Variants in RBFOX3 observed in about 807,000 individuals in gnomAD.
The protein encoded by RBFOX3 is RNA binding protein fox-1 homolog 3.
Under a neutral mutation model 48.7 loss-of-function variants are expected in RBFOX3, and 17 were observed. The observed-to-expected ratio is 0.35, with a 90% CI of 0.24 to 0.52. RBFOX3 has a LOEUF of 0.52. Ranked by LOEUF, RBFOX3 falls within the 20% of genes least tolerant of loss-of-function variation. The pLI, the probability that RBFOX3 is intolerant of heterozygous loss-of-function variation, is 0.94. For synonymous variants in RBFOX3, 212 were observed against 209.5 expected (o/e 1.01, Z -0.10); for missense variants, 382 against 497.5 (o/e 0.77, Z 2.21).
Position 79,610,979 on chromosome 17 carries a change from T to A in RBFOX3, c.-473A>T, listed in dbSNP as rs2093957601. Among the ~76,000 whole-genome samples, 1 of 150,724 alleles carries A rather than the reference T, an allele frequency of 6.6e-6. No individual in the cohort carries two copies. The highest frequency in any genetic ancestry group is 6.6e-5 in the Admixed American group (1 of 15,180). ...CGAGGCCGGGCTCGGGCGGCAGCTG[T>A]GGCAGCTGCTTCTCCTCCGACCACG... On this transcript the variant is annotated 5_prime_UTR_variant, in exon 1 of 15. Transcript: ENST00000693108.
intron 4 of RBFOX3, among the ~76,000 whole-genome samples, chr17:79,118,268 G>A (rs974017711): frequency 6.6e-6 from 1 of 152,154 alleles, no homozygotes; most frequent in Non-Finnish European, 1.5e-5. Context: ...CTCTGAAACT[G>A]GGGCGACATT....
chr17:79,638,990 A>G, the RBFOX3 span, among the ~76,000 whole-genome samples: 1 of 152,198 alleles, frequency 6.6e-6, no homozygotes, highest in South Asian at 2.1e-4. Context: ...ACAGAAAAAT[A>G]TCAAAGAAGG....
chr17:79,369,046 G>A (rs2058166262), intron 2 of RBFOX3, among the ~76,000 whole-genome samples: 3 of 152,124 alleles, frequency 2.0e-5, no homozygotes, highest in Admixed American at 2.0e-4. Context: ...GAGCGAGGAG[G>A]GGCTCCAACC....
chr17:79,292,333 T>C (rs117956134), intron 3 of RBFOX3, among the ~76,000 whole-genome samples: 336 of 152,060 alleles, frequency 2.2e-3, no homozygotes, highest in Non-Finnish European at 3.8e-3. Context: ...GCCTCCAGTA[T>C]AGAATTTATT....
At position 79,471,368 on chromosome 17, in the gene RBFOX3, A is replaced by G. The variant is rs963001604; in HGVS notation, c.-175+11086T>C. Among the ~76,000 whole-genome samples the G allele has an allele frequency of 1.8e-4, 28 of 152,324 alleles. No individual in the cohort carries two copies. Among genetic ancestry groups the G allele is most frequent in the Middle Eastern group, 3.4e-3 (1 of 294 alleles). ...GGCCGGGCAAAATACTAAATAATTC[A>G]AAAATCATGATGACCTTGCCTTGGG... is the stretch of plus-strand genomic sequence containing the variant. On this transcript the variant is annotated intron_variant, in intron 2 of 14. Transcript: ENST00000693108. The surrounding 1 kb of genome is among the most constrained non-coding windows in gnomAD (Gnocchi z 4.0).
Position 79,480,745 on chromosome 17 carries a change from A to G in RBFOX3, c.-175+1709T>C, listed in dbSNP as rs1340144398. 6.6e-6 allele frequency among the ~76,000 whole-genome samples: 1 copy of G among 152,102 alleles called. No homozygotes were observed. Among genetic ancestry groups the G allele is most frequent in the Non-Finnish European group, 1.5e-5 (1 of 68,028 alleles). ...CTCCCTTCCTTCTGTCTTGGCTCACAACATCAGCACCGGGGCCTGCCCTTC... is the reference window on the plus strand; with the variant it reads ...CTCCCTTCCTTCTGTCTTGGCTCACGACATCAGCACCGGGGCCTGCCCTTC... On this transcript the variant is annotated intron_variant, in intron 2 of 14. Coordinates refer to ENST00000693108, the MANE Select transcript of RBFOX3 (RefSeq NM_001350451.2). This position sits in a 1 kb window ranked among gnomAD's most constrained non-coding sequence, Gnocchi z 4.8.
chr17:79,321,255 G>A (rs9901962), intron 2 of RBFOX3, among the ~76,000 whole-genome samples: 6 of 152,062 alleles, frequency 3.9e-5, no homozygotes, highest in Non-Finnish European at 7.4e-5. Flanking sequence ...AGTGATGCTG[G>A]GGTCTCTACC....
At chr17:79,194,015 G>A (rs962710015) in intron 4 of RBFOX3, among the ~76,000 whole-genome samples, 50 of 152,280 alleles carry the variant, frequency 3.3e-4, no homozygotes, top group African/African-American at 1.1e-3. Flanking sequence ...GGTGCAGCTC[G>A]AGCCTGACAG....
intron 4 of RBFOX3, among the ~76,000 whole-genome samples, chr17:79,179,197 A>C (rs1183137729): frequency 2.0e-5 from 3 of 152,192 alleles, no homozygotes; most frequent in African/African-American, 4.8e-5. Flanking sequence ...GGAAGAGAGA[A>C]TGATTATTAA....
chr17:79,546,255 C>T (rs920405692), intron 1 of RBFOX3, among the ~76,000 whole-genome samples: 1 of 152,180 alleles, frequency 6.6e-6, no homozygotes, highest in Admixed American at 6.5e-5. Context: ...CGCTCTCCCA[C>T]CAACACAGAG....
chr17:79,103,451 G>A lies in RBFOX3; in HGVS notation c.415-197C>T, dbSNP rs1024593888. Among the ~76,000 whole-genome samples, 4 of 152,148 alleles carry A rather than the reference G, an allele frequency of 2.6e-5. No homozygotes were observed. The highest frequency in any genetic ancestry group is 9.7e-5 in the African/African-American group (4 of 41,438). On this transcript the variant is annotated intron_variant, in intron 7 of 14. Coordinates refer to ENST00000693108, the MANE Select transcript of RBFOX3 (RefSeq NM_001350451.2). The surrounding 1 kb of genome is among the most constrained non-coding windows in gnomAD (Gnocchi z 6.1). ...CCTAGGGCCACCGGCAGGATGCCAGGAGGGGTATGGGCCCCAGGGGGGCAG... is the reference window on the plus strand; with the variant it reads ...CCTAGGGCCACCGGCAGGATGCCAGAAGGGGTATGGGCCCCAGGGGGGCAG...
chr17:79,578,129 G>A (rs908770888), intron 1 of RBFOX3, among the ~76,000 whole-genome samples: 3 of 150,446 alleles, frequency 2.0e-5, no homozygotes, highest in African/African-American at 5.0e-5. Context: ...TGGAGGGAAG[G>A]GGGGTGGCCC....
At chr17:79,223,746 G>A (rs1282206821) in intron 4 of RBFOX3, among the ~76,000 whole-genome samples, 3 of 152,206 alleles carry the variant, frequency 2.0e-5, no homozygotes, top group Non-Finnish European at 4.4e-5. Context: ...CTGAGGCCTG[G>A]GCAGCTGTCC....
At chr17:79,547,581 G>A (rs1387808732) in intron 1 of RBFOX3, among the ~76,000 whole-genome samples, 1 of 152,180 alleles carries the variant, frequency 6.6e-6, no homozygotes, top group Non-Finnish European at 1.5e-5. Flanking sequence ...CTGGAGCTGA[G>A]TCCACTCACC....
chr17:79,248,928 C>T (rs1413964872), intron 3 of RBFOX3, among the ~76,000 whole-genome samples: 1 of 152,240 alleles, frequency 6.6e-6, no homozygotes, highest in Non-Finnish European at 1.5e-5. Flanking sequence ...GCTGGAGGCC[C>T]ACATCCACTG....
intron 1 of RBFOX3, among the ~76,000 whole-genome samples, chr17:79,544,711 G>A (rs1365552770): frequency 6.6e-6 from 1 of 151,898 alleles, no homozygotes; most frequent in African/African-American, 2.4e-5. Flanking sequence ...TGCATCCTCA[G>A]GCTCTGTCTA....
intron 14 of RBFOX3, chr17:79,094,109 G>A (rs1041057171): frequency 2.6e-6 from 1 of 381,720 alleles, no homozygotes; most frequent in Non-Finnish European, 4.6e-6. Context: ...GCCCTGGTTT[G>A]GTTTCTGAGG....
intron 3 of RBFOX3, among the ~76,000 whole-genome samples, chr17:79,237,517 A>G (rs1415044000): frequency 6.6e-6 from 1 of 152,146 alleles, no homozygotes; most frequent in Non-Finnish European, 1.5e-5. Context: ...TGTCTCACCC[A>G]CAGGTGGAAA....
At position 79,247,666 on chromosome 17, in the gene RBFOX3, A is replaced by G. The variant is rs951984973; in HGVS notation, c.-73-11861T>C. Among the ~76,000 whole-genome samples, 4 of 151,922 alleles carry G rather than the reference A, an allele frequency of 2.6e-5. No homozygotes were observed. The East Asian group carries it at 7.7e-4, about 29-fold the overall frequency. On this transcript the variant is annotated intron_variant, in intron 3 of 14. Coordinates refer to ENST00000693108, the MANE Select transcript of RBFOX3 (RefSeq NM_001350451.2). ...TAGATAAGCATTTGTAGAATTAGAG[A>G]AAAGCAATGCAGAGTTTTGCATCTG...
Sources: allele counts gnomAD v4.1 joint callset (sites outside exome capture counted in the v4.1 genomes callset), GRCh38; gene constraint gnomAD v4.1.1; non-coding constraint Gnocchi (gnomAD v3.1); transcripts MANE v1.5; gene names NCBI Gene and HGNC (gene_info 2026-07-23, HGNC 2026-07-21).